Variants in RBFOX1 observed in about 807,000 individuals in gnomAD.
RBFOX1 encodes RNA binding fox-1 homolog 1.
A neutral mutation model predicts 57.7 loss-of-function variants in RBFOX1; 8 were observed. That is an observed-to-expected ratio of 0.14 (90% CI 0.08 to 0.25). RBFOX1 has a LOEUF of 0.25. Among genes scored for constraint, RBFOX1 ranks in the 10% least tolerant of loss-of-function variants. The pLI is 1.00. For synonymous variants in RBFOX1, 326 were observed against 222.4 expected (o/e 1.47, Z -4.15); for missense variants, 611 against 548.5 (o/e 1.11, Z -1.14).
At chr16:6,804,885 C>G (rs998923942) in intron 3 of RBFOX1, among the ~76,000 whole-genome samples, 1 of 152,038 alleles carries the variant, frequency 6.6e-6, no homozygotes, top group Non-Finnish European at 1.5e-5. Context: ...GCCATGTGTC[C>G]CAAACATTAA....
At chr16:7,307,007 C>T (rs115955985) in intron 4 of RBFOX1, among the ~76,000 whole-genome samples, 239 of 152,140 alleles carry the variant, frequency 1.6e-3, no homozygotes, top group African/African-American at 5.2e-3. Flanking sequence ...ATCAAGTGGA[C>T]GAATCAGGCA....
intron 2 of RBFOX1, among the ~76,000 whole-genome samples, chr16:5,478,268 C>T (rs182587782): frequency 6.6e-6 from 1 of 152,188 alleles, no homozygotes; most frequent in East Asian, 1.9e-4. Context: ...TTCACATTGT[C>T]CGATCCAAGC....
At chr16:7,031,311 C>G (rs763984114) in intron 3 of RBFOX1, among the ~76,000 whole-genome samples, 20 of 152,216 alleles carry the variant, frequency 1.3e-4, no homozygotes, top group Non-Finnish European at 2.4e-4. Flanking sequence ...AAAGCAGTAT[C>G]ATGGCTGGGT....
At chr16:6,292,916 G>A (rs1050381332) in intron 1 of RBFOX1, among the ~76,000 whole-genome samples, 9 of 152,004 alleles carry the variant, frequency 5.9e-5, no homozygotes, top group Non-Finnish European at 1.3e-4. Context: ...TTTTCATCTG[G>A]CTCCAGCCTG....
chr16:7,630,183 T>G (rs1452553641), intron 10 of RBFOX1, among the ~76,000 whole-genome samples: 1 of 152,066 alleles, frequency 6.6e-6, no homozygotes, highest in Non-Finnish European at 1.5e-5. Flanking sequence ...ACCCCTGTTT[T>G]CCAGATGGAA....
At chr16:5,613,939 T>A (rs560892831) in intron 3 of RBFOX1, among the ~76,000 whole-genome samples, 6 of 144,610 alleles carry the variant, frequency 4.1e-5, no homozygotes, top group African/African-American at 8.1e-5. Flanking sequence ...TTTTTTTTTT[T>A]ATCCTGATGC....
intron 14 of RBFOX1, among the ~76,000 whole-genome samples, chr16:7,693,973 C>T (rs552259225): frequency 6.6e-6 from 1 of 152,242 alleles, no homozygotes; most frequent in East Asian, 1.9e-4. Flanking sequence ...AGGACATTGG[C>T]AAATGGAAAT....
intron 1 of RBFOX1, among the ~76,000 whole-genome samples, chr16:6,268,596 G>C (rs1041021643): frequency 6.6e-6 from 1 of 152,086 alleles, no homozygotes; most frequent in Non-Finnish European, 1.5e-5. Context: ...CCTGACTATA[G>C]TTCAGTTTGT....
intron 4 of RBFOX1, among the ~76,000 whole-genome samples, chr16:7,399,887 A>C (rs918167338): frequency 1.3e-5 from 2 of 152,236 alleles, no homozygotes; most frequent in Admixed American, 1.3e-4. Context: ...ATGGAGAAAC[A>C]GTTCATTTTA....
chr16:5,389,365 C>T lies in RBFOX1; in HGVS notation c.220-77851C>T, dbSNP rs149927537. Among the ~76,000 whole-genome samples the T allele has an allele frequency of 7.4e-3, 1,127 of 152,266 alleles. 16 individuals carry two copies. The highest frequency in any genetic ancestry group is 0.026 in the African/African-American group (1,070 of 41,554). ...TATGGACGTTTGGGGCTGGATCATT[C>T]TGTTGTGGGGGTTGCCTTGTGCCTC... On this transcript the variant is annotated intron_variant, in intron 1 of 2. Coordinates refer to the RBFOX1 transcript ENST00000585867.
chr16:7,283,575 C>T (rs1345315353), intron 4 of RBFOX1, among the ~76,000 whole-genome samples: 2 of 152,080 alleles, frequency 1.3e-5, no homozygotes, highest in Non-Finnish European at 1.5e-5. Flanking sequence ...TCTGTATCTC[C>T]ATCCCCTAGA....
rs2039665800 is a variant in RBFOX1, at chr16:7,022,702, G to T, written c.-15-29355G>T. Among the ~76,000 whole-genome samples the T allele has an allele frequency of 1.3e-5, 2 of 152,130 alleles. 1 individual carries two copies. Among genetic ancestry groups the T allele is most frequent in the South Asian group, 4.1e-4 (2 of 4,824 alleles). On this transcript the variant is annotated intron_variant, in intron 3 of 15. Coordinates refer to ENST00000550418, the MANE Select transcript of RBFOX1 (RefSeq NM_018723.4). ...ATGAAAGCAGAAAAAGAGAAAAAAAGGTAAGTAGGCAAAATGAGGAAAAAC... is the reference window on the plus strand; with the variant it reads ...ATGAAAGCAGAAAAAGAGAAAAAAATGTAAGTAGGCAAAATGAGGAAAAAC...
At chr16:6,144,747 C>T (rs1042489446) in intron 1 of RBFOX1, among the ~76,000 whole-genome samples, 1 of 152,200 alleles carries the variant, frequency 6.6e-6, no homozygotes, top group African/African-American at 2.4e-5. Context: ...TTCCATTATG[C>T]ACAGTCCTCT....
In RBFOX1 at chr16:5,894,691, G is replaced by A. The variant is rs187709738; in HGVS notation, c.351+27356G>A. 2.2e-3 allele frequency among the ~76,000 whole-genome samples: 342 copies of A among 152,058 alleles called. 1 individual carries two copies. Among genetic ancestry groups the A allele is most frequent in the Non-Finnish European group, 3.6e-3 (246 of 67,982 alleles). On this transcript the variant is annotated intron_variant, in intron 4 of 19. Coordinates refer to the RBFOX1 transcript ENST00000641259. ...AAAAATGAGAAATACATTGGACCAT[G>A]TTATCTATATTGCACAGCAAGAAGA...
intron 10 of RBFOX1, among the ~76,000 whole-genome samples, chr16:7,608,426 T>A (rs2056775871): frequency 6.6e-6 from 1 of 152,242 alleles, no homozygotes; most frequent in South Asian, 2.1e-4. Context: ...AGGCGATGTT[T>A]GGAGTTGTTC....
chr16:6,238,244 G>A (rs1364196706), intron 1 of RBFOX1, among the ~76,000 whole-genome samples: 1 of 152,042 alleles, frequency 6.6e-6, no homozygotes, highest in Non-Finnish European at 1.5e-5. Context: ...ATTACAGTAT[G>A]GCCAGGCATA....
chr16:7,400,956 T>A (rs1361511457), intron 4 of RBFOX1, among the ~76,000 whole-genome samples: 2 of 152,208 alleles, frequency 1.3e-5, no homozygotes, highest in African/African-American at 2.4e-5. Flanking sequence ...ATTTTATTTC[T>A]AATATGTTAC....
intron 1 of RBFOX1, among the ~76,000 whole-genome samples, chr16:6,129,450 A>G (rs2096613744): frequency 2.0e-5 from 3 of 152,228 alleles, no homozygotes; most frequent in African/African-American, 7.2e-5. Context: ...ATTTGAAGAC[A>G]GAACAGAAAA....
At chr16:5,432,988 G>C (rs1006036281) in intron 1 of RBFOX1, among the ~76,000 whole-genome samples, 1 of 152,230 alleles carries the variant, frequency 6.6e-6, no homozygotes, top group African/African-American at 2.4e-5. Context: ...GTTTCACCAT[G>C]TTGGCCAGGG....
Sources: gnomAD v4.1 joint callset for allele counts (sites outside exome capture counted in the v4.1 genomes callset) on GRCh38, gnomAD v4.1.1 for gene constraint, MANE v1.5 for transcripts, NCBI Gene and HGNC (gene_info 2026-07-23, HGNC 2026-07-21) for gene names.